Variants in OR51C1 observed in about 807,000 individuals in gnomAD.
OR51C1 encodes the protein olfactory receptor OR51C1.
chr11:4,691,281 G>C, the OR51C1 span: 1 of 457,084 alleles, frequency 2.2e-6, no homozygotes, highest in African/African-American at 2.0e-5. Context: ...AGCTATTCTG[G>C]AGTCAGTTAA....
At chr11:4,693,438 CA>C in the OR51C1 span, among the ~76,000 whole-genome samples, 2 of 152,138 alleles carry the variant, frequency 1.3e-5, no homozygotes, top group Admixed American at 6.6e-5. Flanking sequence ...AAGTGTTGAG[CA>C]GGCTGGGCGC....
At chr11:4,692,887 A>G in the OR51C1 span, among the ~76,000 whole-genome samples, 2 of 152,148 alleles carry the variant, frequency 1.3e-5, no homozygotes, top group East Asian at 3.9e-4. Context: ...TGATTTAACT[A>G]AAATTAACAG....
chr11:4,697,616 G>A, the OR51C1 span: 6 of 152,654 alleles, frequency 3.9e-5, no homozygotes, highest in African/African-American at 1.4e-4. Flanking sequence ...TTCATCTAGA[G>A]TCAAGCATTT....
At chr11:4,694,565 C>CAT in the OR51C1 span, among the ~76,000 whole-genome samples, 29,797 of 137,108 alleles carry the variant, frequency 0.22, 3,167 homozygotes, top group Middle Eastern at 0.29. Context: ...CACACACATA[C>CAT]ATATATATAT....
the OR51C1 span, chr11:4,691,548 A>T: frequency 2.2e-6 from 1 of 457,058 alleles, no homozygotes; most frequent in Non-Finnish European, 4.4e-6. Context: ...GGGCTGAGTG[A>T]TGGTAGCGAA....
the OR51C1 span, among the ~76,000 whole-genome samples, chr11:4,693,445 G>A: frequency 6.6e-6 from 1 of 152,210 alleles, no homozygotes; most frequent in Non-Finnish European, 1.5e-5. Flanking sequence ...GAGCAGGCTG[G>A]GCGCGGTGGC....
chr11:4,691,583 A>G, the OR51C1 span: 2 of 456,690 alleles, frequency 4.4e-6, no homozygotes, highest in South Asian at 1.6e-5. Flanking sequence ...TTCCCAAGAG[A>G]GCAGTTACAG....
At chr11:4,693,090 AAGAG>A in the OR51C1 span, among the ~76,000 whole-genome samples, 3 of 152,180 alleles carry the variant, frequency 2.0e-5, no homozygotes, top group Admixed American at 6.5e-5. Flanking sequence ...AAAAAACTAA[AAGAG>A]AGAATTTTAA....
chr11:4,695,710 C>T, the OR51C1 span, among the ~76,000 whole-genome samples: 1 of 152,088 alleles, frequency 6.6e-6, no homozygotes, highest in Admixed American at 6.6e-5. Flanking sequence ...CAACTTTCAG[C>T]AATGTTTACC....
At chr11:4,690,719 C>T in the OR51C1 span, 3 of 339,594 alleles carry the variant, frequency 8.8e-6, no homozygotes, top group Non-Finnish European at 1.2e-5. Context: ...TGAAGTATAC[C>T]ATCTTGAGGG....
the OR51C1 span, among the ~76,000 whole-genome samples, chr11:4,697,015 C>A: frequency 1.3e-5 from 2 of 152,140 alleles, no homozygotes. Flanking sequence ...ACATTATTGT[C>A]CTCAGTGCTT....
the OR51C1 span, among the ~76,000 whole-genome samples, chr11:4,696,932 G>C: frequency 6.6e-6 from 1 of 151,718 alleles, no homozygotes; most frequent in Non-Finnish European, 1.5e-5. Context: ...AACTAGTTTT[G>C]AGACCATCTA....
chr11:4,691,736 T>A, the OR51C1 span: 1 of 340,000 alleles, frequency 2.9e-6, no homozygotes, highest in African/African-American at 2.2e-5. Flanking sequence ...GATGAGAGCT[T>A]AAACAAAAAA....
the OR51C1 span, among the ~76,000 whole-genome samples, chr11:4,691,902 T>C: frequency 6.6e-6 from 1 of 152,238 alleles, no homozygotes; most frequent in Non-Finnish European, 1.5e-5. Flanking sequence ...GGTTTGTTTT[T>C]GAATTTGCCT....
chr11:4,693,242 C>G, the OR51C1 span, among the ~76,000 whole-genome samples: 2 of 151,998 alleles, frequency 1.3e-5, no homozygotes, highest in Admixed American at 6.5e-5. Context: ...TATTTGTCAA[C>G]TAGAAATAAG....
At chr11:4,695,718 ACCT>A in the OR51C1 span, among the ~76,000 whole-genome samples, 1 of 151,518 alleles carries the variant, frequency 6.6e-6, no homozygotes, top group African/African-American at 2.4e-5. Context: ...AGCAATGTTT[ACCT>A]CCTCCTCCTT....
At chr11:4,692,106 T>C in the OR51C1 span, 4 of 438,254 alleles carry the variant, frequency 9.1e-6, no homozygotes, top group East Asian at 7.0e-5. Context: ...TTTTCCTCTA[T>C]GGTTGGCACC....
the OR51C1 span, among the ~76,000 whole-genome samples, chr11:4,694,491 T>G: frequency 1.4e-5 from 2 of 143,666 alleles, no homozygotes. Flanking sequence ...TATACGTGTA[T>G]ATATATATAT....
the OR51C1 span, among the ~76,000 whole-genome samples, chr11:4,694,485 C>CGT: frequency 6.9e-6 from 1 of 144,094 alleles, no homozygotes; most frequent in South Asian, 2.2e-4. Context: ...CATATATATA[C>CGT]GTGTATATAT....
Sources: allele counts gnomAD v4.1 joint callset (sites outside exome capture counted in the v4.1 genomes callset), GRCh38; gene constraint gnomAD v4.1.1; transcripts MANE v1.5; gene names NCBI Gene and HGNC (gene_info 2026-07-23, HGNC 2026-07-21).